Variants in ARHGEF4 observed in about 807,000 individuals in gnomAD.
ARHGEF4 encodes the protein Rho guanine nucleotide exchange factor 4, also known as APC-stimulated guanine nucleotide exchange factor 1.
In ARHGEF4, 119 loss-of-function variants were observed where a neutral mutation model predicts 162.0. The observed-to-expected ratio is 0.73, with a 90% confidence interval of 0.63 to 0.86. The LOEUF is 0.86. Ranked by LOEUF, ARHGEF4 falls within the 40% of genes least tolerant of loss-of-function variation. The pLI, the probability that ARHGEF4 is intolerant of heterozygous loss-of-function variation, is 0.00. For missense variants in ARHGEF4, 2,488 were observed against 2,456.0 expected (o/e 1.01, Z -0.28); for synonymous variants, 1,014 against 979.9 (o/e 1.03, Z -0.65).
intron 4 of ARHGEF4, among the ~76,000 whole-genome samples, chr2:130,997,196 T>A (rs1194865968): frequency 2.6e-5 from 4 of 152,208 alleles, no homozygotes; most frequent in Non-Finnish European, 4.4e-5. Flanking sequence ...CTTTTGTGTG[T>A]GTTGATGGGG....
At chr2:130,962,941 T>G (rs913778517) in intron 4 of ARHGEF4, among the ~76,000 whole-genome samples, 1 of 152,140 alleles carries the variant, frequency 6.6e-6, no homozygotes, top group African/African-American at 2.4e-5. Flanking sequence ...TGCATTTGCA[T>G]TTCATATCCT....
At chr2:130,965,233 T>C (rs1298095917) in intron 4 of ARHGEF4, among the ~76,000 whole-genome samples, 1 of 152,168 alleles carries the variant, frequency 6.6e-6, no homozygotes, top group South Asian at 2.1e-4. Flanking sequence ...ACAGGCCTTG[T>C]TGGGCAGATA....
intron 1 of ARHGEF4, among the ~76,000 whole-genome samples, chr2:130,845,814 G>A (rs528391036): frequency 6.9e-4 from 105 of 152,226 alleles, no homozygotes; most frequent in Non-Finnish European, 1.3e-3. Context: ...CAGGCCGGAT[G>A]GGCCTCCAGG....
chr2:130,974,010 C>G (rs1285931219), intron 4 of ARHGEF4, among the ~76,000 whole-genome samples: 1 of 152,046 alleles, frequency 6.6e-6, no homozygotes, highest in African/African-American at 2.4e-5. Flanking sequence ...TGGCTCATGC[C>G]TGTAATCCCA....
At chr2:130,923,785 C>A (rs952135811) in intron 2 of ARHGEF4, among the ~76,000 whole-genome samples, 1 of 152,306 alleles carries the variant, frequency 6.6e-6, no homozygotes, top group African/African-American at 2.4e-5. Context: ...CTGGAAGGTC[C>A]AGCCTCATAT....
intron 5 of ARHGEF4, 108 bp from the exon 6 acceptor site, chr2:131,038,745 G>A (rs1357492265): frequency 7.8e-7 from 1 of 1,276,228 alleles, no homozygotes; most frequent in African/African-American, 1.5e-5. Flanking sequence ...CCTCTGTAAA[G>A]AAGTCAGGAT....
intron 4 of ARHGEF4, among the ~76,000 whole-genome samples, chr2:130,978,224 A>C (rs1685883274): frequency 2.0e-5 from 3 of 152,172 alleles, no homozygotes; most frequent in African/African-American, 7.2e-5. Context: ...AATCATGAGG[A>C]ATCTCGTCAT....
intron 3 of ARHGEF4, among the ~76,000 whole-genome samples, chr2:130,935,538 T>C (rs1266762801): frequency 1.2e-4 from 19 of 152,238 alleles, no homozygotes; most frequent in Non-Finnish European, 2.6e-4. Context: ...AGCATAGCGT[T>C]CACTGCATCC....
Position 130,935,809 on chromosome 2 carries a change from G to A in ARHGEF4, c.3858+4552G>A, listed in dbSNP as rs140425777. Among the ~76,000 whole-genome samples, 914 of 152,320 alleles carry A rather than the reference G, an allele frequency of 6.0e-3. 13 individuals are homozygous for A. The highest frequency in any genetic ancestry group is 0.02 in the African/African-American group (850 of 41,570). On this transcript the variant is annotated intron_variant, in intron 3 of 13. Transcript: ENST00000409359. ...CTGGCCAGGCATGGTGGCCATGCAC[G>A]TAATCCCAGCACTTTGGGAGGCTAA...
chr2:130,922,253 C>G (rs973035233), intron 2 of ARHGEF4, among the ~76,000 whole-genome samples: 2 of 151,630 alleles, frequency 1.3e-5, no homozygotes, highest in Non-Finnish European at 2.9e-5. Flanking sequence ...TGCATATAAT[C>G]GCAGCTAGTT....
At chr2:130,846,624 C>T (rs369712961) in intron 1 of ARHGEF4, among the ~76,000 whole-genome samples, 13 of 152,136 alleles carry the variant, frequency 8.5e-5, no homozygotes, top group Admixed American at 8.5e-4. Context: ...CTTGAGGAAG[C>T]TGGACTTTGC....
At chr2:130,936,401 C>G (rs1450961501) in intron 3 of ARHGEF4, among the ~76,000 whole-genome samples, 2 of 152,126 alleles carry the variant, frequency 1.3e-5, no homozygotes, top group Non-Finnish European at 2.9e-5. Context: ...TTTAATCAAT[C>G]TATAATGTAT....
chr2:130,950,710 C>T (rs555142908), intron 4 of ARHGEF4, among the ~76,000 whole-genome samples: 3 of 144,750 alleles, frequency 2.1e-5, no homozygotes, highest in African/African-American at 7.6e-5. Flanking sequence ...CCCGAAGGAA[C>T]CACTTATCTA....
rs192264219 is a variant in ARHGEF4 at position 130,983,771 on chromosome 2, G to A, written c.3985+37136G>A. Among the ~76,000 whole-genome samples the A allele has an allele frequency of 1.0e-3, 154 of 151,930 alleles. 1 individual carries two copies. Among genetic ancestry groups the A allele is most frequent in the Admixed American group, 1.5e-3 (23 of 15,254 alleles). ...TTCATGCCATTCTCCTGCCTCAGCC[G>A]CCTGAATAGCTGGGACTACAGGCGT... On this transcript the variant is annotated intron_variant, in intron 4 of 13. Coordinates refer to ENST00000409359, the MANE Select transcript of ARHGEF4 (RefSeq NM_001367493.1).
In ARHGEF4 at chr2:131,039,026, C is replaced by T. The variant is rs764730095; in HGVS notation, c.4299C>T (p.Phe1433=). 1.6e-5 allele frequency: 26 copies of T among 1,611,252 alleles called. No individual in the cohort carries two copies. The highest frequency in any genetic ancestry group is 9.9e-5 in the South Asian group (9 of 90,884). ...GCGAGGGCTGGTTTCCAGCCAGCTT[C>T]GTTCGGGTATGGTTCCAAGCCCCAG... The part of the protein sequence containing the change: ...ADGEGWFPAS[F]VRLRVNQDEP... The change falls in exon 6 of 14, where the codon TTC becomes TTT. Residue 1433 remains phenylalanine (F), a synonymous_variant. Transcript: ENST00000409359.
intron 1 of ARHGEF4, among the ~76,000 whole-genome samples, chr2:130,904,790 A>AAC (rs1427435120): frequency 6.6e-6 from 1 of 151,962 alleles, no homozygotes; most frequent in Non-Finnish European, 1.5e-5. Context: ...TATAAAAAAA[A>AAC]AACACTGGCC....
intron 1 of ARHGEF4, among the ~76,000 whole-genome samples, chr2:130,892,260 A>T (rs1168818764): frequency 6.6e-6 from 1 of 152,210 alleles, no homozygotes; most frequent in Non-Finnish European, 1.5e-5. Context: ...CACAAAGAGC[A>T]CTTCTGCGAC....
chr2:130,899,899 A>G (rs1680388902), intron 1 of ARHGEF4, among the ~76,000 whole-genome samples: 1 of 152,082 alleles, frequency 6.6e-6, no homozygotes, highest in Non-Finnish European at 1.5e-5. Context: ...ATGATCATGT[A>G]GGTGGCTTTA....
chr2:131,043,603 C>T lies in ARHGEF4; in HGVS notation c.5157+20C>T, dbSNP rs1304242210. ...AAGAAGGTACCAGAGCTGCTCTGCC[C>T]TGCTGCCCCAAGTTGAGCAAGTGGA... is the stretch of plus-strand genomic sequence containing the variant. On this transcript the variant is annotated intron_variant, in intron 11 of 13. Transcript: ENST00000409359. 22 of 1,613,592 alleles carry T rather than the reference C, an allele frequency of 1.4e-5. No homozygotes were observed. Among genetic ancestry groups the T allele is most frequent in the Non-Finnish European group, 1.9e-5 (22 of 1,179,780 alleles).
Sources: gnomAD v4.1 joint callset for allele counts (sites outside exome capture counted in the v4.1 genomes callset) on GRCh38, gnomAD v4.1.1 for gene constraint, MANE v1.5 for transcripts, NCBI Gene and HGNC (gene_info 2026-07-23, HGNC 2026-07-21) for gene names.